Variants in FOXK2 observed in about 807,000 individuals in gnomAD.
The protein encoded by FOXK2 is forkhead box protein K2.
A neutral mutation model predicts 53.3 loss-of-function variants in FOXK2; 24 were observed. That is an observed-to-expected ratio of 0.45 (90% confidence interval 0.33 to 0.63). FOXK2 has a LOEUF of 0.63. Among genes scored for constraint, FOXK2 ranks in the 30% least tolerant of loss-of-function variants. The pLI is 0.03. For missense variants in FOXK2, 952 were observed against 910.5 expected (o/e 1.05, Z -0.59); for synonymous variants, 505 against 407.1 (o/e 1.24, Z -2.89).
At chr17:82,566,641 G>A (rs923978049) in intron 2 of FOXK2, among the ~76,000 whole-genome samples, 1 of 152,212 alleles carries the variant, frequency 6.6e-6, no homozygotes, top group African/African-American at 2.4e-5. Flanking sequence ...AAGTGTGACT[G>A]ACAGCAGCGG....
chr17:82,559,527 G>A (rs2044770517), intron 1 of FOXK2: 1 of 456,098 alleles, frequency 2.2e-6, no homozygotes, highest in South Asian at 1.5e-5. Context: ...ACGTGGGACG[G>A]GCTGCTCATT....
intron 1 of FOXK2, among the ~76,000 whole-genome samples, chr17:82,555,228 A>G (rs1298675955): frequency 6.6e-6 from 1 of 152,162 alleles, no homozygotes; most frequent in East Asian, 1.9e-4. Flanking sequence ...TTGGGAAGTC[A>G]GGGGCCCTTC....
At chr17:82,590,979 G>A (rs1424600902) in intron 8 of FOXK2, among the ~76,000 whole-genome samples, 2 of 152,188 alleles carry the variant, frequency 1.3e-5, no homozygotes, top group Non-Finnish European at 2.9e-5. Context: ...AGGGCAGCCT[G>A]GGCCGGTTCT....
intron 1 of FOXK2, among the ~76,000 whole-genome samples, chr17:82,560,001 CTTTTTTTTTT>C (rs10583366): frequency 6.1e-5 from 6 of 97,574 alleles, no homozygotes; most frequent in African/African-American, 1.9e-4. Context: ...TCTGGATAGA[CTTTTTTTTTT>C]TTTTTTTTTT....
chr17:82,584,236 C>T lies in FOXK2; in HGVS notation c.1279+48C>T, dbSNP rs200219871. On this transcript the variant is annotated intron_variant, in intron 6 of 8. Coordinates refer to ENST00000335255, the MANE Select transcript of FOXK2 (RefSeq NM_004514.4). ...GAGGGCCCCAACAGCGTGAGCCAGA[C>T]GCGGACGCCTGGGCTCCACAGAGAA... 4.2e-4 allele frequency: 628 copies of T among 1,507,938 alleles called. 1 individual carries two copies. In the East Asian group the frequency reaches 8.4e-3, roughly 20 times the overall value. The allele number at this position is 1,507,938 out of a possible 1,614,324, so 93.4% of individuals were successfully genotyped here. A position where few individuals can be genotyped will look rare whatever the true frequency, so the allele number is the denominator to read the frequency against.
chr17:82,578,058 G>C (rs1468974034), intron 4 of FOXK2: 1 of 152,354 alleles, frequency 6.6e-6, no homozygotes, highest in African/African-American at 2.4e-5. Context: ...TTTAAAGGGA[G>C]GACTGTACTC....
intron 1 of FOXK2, among the ~76,000 whole-genome samples, chr17:82,537,176 C>T (rs1465366337): frequency 6.6e-6 from 1 of 152,120 alleles, no homozygotes; most frequent in African/African-American, 2.4e-5. Context: ...TGGGCTGGAG[C>T]TGCTGGTATT....
chr17:82,598,637 G>A (rs2045344487), intron 8 of FOXK2, among the ~76,000 whole-genome samples: 1 of 152,240 alleles, frequency 6.6e-6, no homozygotes, highest in Non-Finnish European at 1.5e-5. Context: ...CTGGAATCAT[G>A]AGCCTGTCCC....
chr17:82,521,293 C>A (rs1378589286), intron 1 of FOXK2, among the ~76,000 whole-genome samples: 2 of 152,130 alleles, frequency 1.3e-5, no homozygotes, highest in African/African-American at 4.8e-5. Context: ...CTGCCCCAGC[C>A]TCCCGAGTAG....
intron 1 of FOXK2, among the ~76,000 whole-genome samples, chr17:82,537,811 A>T (rs1292290012): frequency 6.7e-6 from 1 of 149,844 alleles, no homozygotes; most frequent in African/African-American, 2.5e-5. Flanking sequence ...AATCCCAGCT[A>T]CTCTGGAAGC....
intron 8 of FOXK2, among the ~76,000 whole-genome samples, chr17:82,592,363 TCA>T (rs1342169639): frequency 6.6e-6 from 1 of 152,240 alleles, no homozygotes; most frequent in East Asian, 1.9e-4. Flanking sequence ...TTCATGGGGC[TCA>T]CATGTGTGTC....
chr17:82,523,509 G>A (rs2044387565), intron 1 of FOXK2, among the ~76,000 whole-genome samples: 1 of 137,984 alleles, frequency 7.2e-6, no homozygotes, highest in Non-Finnish European at 1.6e-5. Flanking sequence ...TTTCGCTCTT[G>A]TTGCCTAGGC....
Position 82,603,178 on chromosome 17 carries a change from C to CCAT in FOXK2, c.*1682_*1684dup, listed in dbSNP as rs1420182997. 1.3e-5 allele frequency: 2 copies of CCAT among 152,342 alleles called. No individual in the cohort carries two copies. Among genetic ancestry groups the CCAT allele is most frequent in the Non-Finnish European group, 2.9e-5 (2 of 68,058 alleles). 9.4% of individuals were successfully genotyped at this position (152,342 alleles called of 1,614,324 possible). A position where few individuals can be genotyped will look rare whatever the true frequency, so the allele number is the denominator to read the frequency against. On this transcript the variant is annotated 3_prime_UTR_variant, in exon 9 of 9. Transcript: ENST00000335255. ...AGCCGTTTAAGAAATAAAAGCAAAA[C>CCAT]CATCACGTGACTGAGACCGTGTGTG...
intron 1 of FOXK2, among the ~76,000 whole-genome samples, chr17:82,542,345 A>G (rs943324849): frequency 1.3e-5 from 2 of 151,834 alleles, no homozygotes; most frequent in African/African-American, 4.8e-5. Flanking sequence ...TTGTATTGTT[A>G]GTAGAGACGG....
chr17:82,559,551 A>G, intron 1 of FOXK2: 1 of 450,480 alleles, frequency 2.2e-6, no homozygotes, highest in Non-Finnish European at 4.5e-6. Flanking sequence ...AGTGAGGAGG[A>G]CTCAGGAGAT....
chr17:82,533,803 G>A (rs1292035556), intron 1 of FOXK2, among the ~76,000 whole-genome samples: 1 of 150,774 alleles, frequency 6.6e-6, no homozygotes. Context: ...GGTTAGCCGG[G>A]CGTGGTGACG....
chr17:82,542,870 T>G (rs1466461388), intron 1 of FOXK2, among the ~76,000 whole-genome samples: 1 of 151,952 alleles, frequency 6.6e-6, no homozygotes, highest in African/African-American at 2.4e-5. Context: ...TAAAAAAAAT[T>G]AGCTGGGTGT....
At chr17:82,560,719 C>T (rs923474761) in intron 1 of FOXK2, among the ~76,000 whole-genome samples, 1 of 152,154 alleles carries the variant, frequency 6.6e-6, no homozygotes, top group African/African-American at 2.4e-5. Flanking sequence ...TAGACGAGAT[C>T]AGGCATGGTG....
At chr17:82,557,860 T>G (rs1188646035) in intron 1 of FOXK2, among the ~76,000 whole-genome samples, 1 of 152,050 alleles carries the variant, frequency 6.6e-6, no homozygotes, top group Non-Finnish European at 1.5e-5. Context: ...GCTATGTTAC[T>G]GATGCTGGTC....
Sources: allele counts gnomAD v4.1 joint callset (sites outside exome capture counted in the v4.1 genomes callset), GRCh38; gene constraint gnomAD v4.1.1; transcripts MANE v1.5; gene names NCBI Gene and HGNC (gene_info 2026-07-23, HGNC 2026-07-21).